METTL15: variants seen among roughly 807,000 people sequenced by gnomAD.
METTL15 encodes 12S rRNA N(4)-cytidine methyltransferase METTL15.
In METTL15, 34 loss-of-function variants were observed where a neutral mutation model predicts 38.3. The ratio of observed to expected loss-of-function variants is 0.89; its 90% CI spans 0.68 to 1.18. METTL15 has a LOEUF of 1.18. METTL15 is among the 50% of genes most tolerant of loss of function. The pLI, the probability that METTL15 is intolerant of heterozygous loss-of-function variation, is 0.00. For missense variants in METTL15, 438 were observed against 498.4 expected (o/e 0.88, Z 1.15); for synonymous variants, 162 against 170.9 (o/e 0.95, Z 0.41).
intron 4 of METTL15, among the ~76,000 whole-genome samples, chr11:28,223,895 C>G (rs545977741): frequency 1.3e-5 from 2 of 152,014 alleles, no homozygotes; most frequent in South Asian, 4.1e-4. Flanking sequence ...TATTGGAAGA[C>G]AATTTTAAAA....
At chr11:28,511,021 C>G (rs536459225) in intron 6 of METTL15, among the ~76,000 whole-genome samples, 1 of 152,218 alleles carries the variant, frequency 6.6e-6, no homozygotes, top group South Asian at 2.1e-4. Flanking sequence ...TCGTAGACTT[C>G]TTAAGATTTT....
chr11:28,214,501 A>G (rs1011845909), intron 4 of METTL15, among the ~76,000 whole-genome samples: 1 of 152,206 alleles, frequency 6.6e-6, no homozygotes, highest in Admixed American at 6.5e-5. Flanking sequence ...TGAAGATGAG[A>G]TGTTCCGTGT....
chr11:28,201,899 A>G (rs757014033), intron 3 of METTL15, among the ~76,000 whole-genome samples: 4 of 152,152 alleles, frequency 2.6e-5, no homozygotes, highest in Non-Finnish European at 4.4e-5. Context: ...ACAATTTCAC[A>G]TATTCTGTAT....
chr11:28,287,223 T>G (rs1326589509), intron 4 of METTL15: 1 of 214,052 alleles, frequency 4.7e-6, no homozygotes, highest in African/African-American at 2.4e-5. Flanking sequence ...TTTGTAAATT[T>G]GTATTACATC....
intron 4 of METTL15, among the ~76,000 whole-genome samples, chr11:28,359,303 T>C (rs538632790): frequency 1.9e-4 from 29 of 152,370 alleles, no homozygotes; most frequent in African/African-American, 7.0e-4. Flanking sequence ...ATGATGTGTA[T>C]GTACCATGTT....
At chr11:28,199,205 T>G (rs1485438426) in intron 3 of METTL15, among the ~76,000 whole-genome samples, 1 of 152,142 alleles carries the variant, frequency 6.6e-6, no homozygotes, top group Non-Finnish European at 1.5e-5. Context: ...AATCAATGTT[T>G]TTGATTAGGA....
rs1849828658 is a variant in METTL15, at chr11:28,331,964, TATTA to T, written c.*1127_*1130del. 1 of 152,196 alleles carries T rather than the reference TATTA, an allele frequency of 6.6e-6. No individual in the cohort carries two copies. The highest frequency in any genetic ancestry group is 1.5e-5 in the Non-Finnish European group (1 of 68,012). 9.4% of individuals were successfully genotyped at this position (152,196 alleles called of 1,614,324 possible). The stretch of plus-strand genomic sequence containing the variant: ...GTTATCCTTGAAATCATATTTATAC[TATTA>T]ATTTGCTCAGTGCACTTTTTTCAAA... On this transcript the variant is annotated 3_prime_UTR_variant, in exon 7 of 7. Transcript: ENST00000407364.
intron 6 of METTL15, among the ~76,000 whole-genome samples, chr11:28,308,333 A>C (rs1857150451): frequency 6.6e-6 from 1 of 152,136 alleles, no homozygotes; most frequent in South Asian, 2.1e-4. Context: ...ATTTCTAGCC[A>C]TACTTTTTTC....
At chr11:28,236,134 GC>G in intron 4 of METTL15, among the ~76,000 whole-genome samples, 1 of 152,228 alleles carries the variant, frequency 6.6e-6, no homozygotes, top group East Asian at 1.9e-4. Flanking sequence ...TATTGAACCA[GC>G]CTTGCATCCC....
At chr11:28,477,285 T>C (rs1162413719) in intron 6 of METTL15, among the ~76,000 whole-genome samples, 1 of 152,184 alleles carries the variant, frequency 6.6e-6, no homozygotes, top group East Asian at 1.9e-4. Context: ...CATGCAATTC[T>C]CCTGCCTCAG....
intron 3 of METTL15, among the ~76,000 whole-genome samples, chr11:28,339,533 C>CAAA (rs147944774): frequency 2.5e-5 from 3 of 118,004 alleles, no homozygotes; most frequent in Non-Finnish European, 3.6e-5. Context: ...AAAGAGAATG[C>CAAA]AAAAAAAAAA....
intron 6 of METTL15, chr11:28,477,483 G>A (rs578050859): frequency 6.6e-6 from 1 of 152,206 alleles, no homozygotes; most frequent in South Asian, 2.1e-4. Flanking sequence ...TGAATATCTG[G>A]CAAAGTATTT....
chr11:28,122,156 G>A, intron 3 of METTL15: 1 of 1,240,064 alleles, frequency 8.1e-7, no homozygotes, highest in Non-Finnish European at 1.0e-6. Context: ...TTGGTGTGAG[G>A]AGTGTGGGAA....
intron 6 of METTL15, among the ~76,000 whole-genome samples, chr11:28,488,117 T>G (rs1338071218): frequency 2.0e-5 from 3 of 152,148 alleles, no homozygotes; most frequent in Admixed American, 6.6e-5. Context: ...GCAATGAAAA[T>G]ATGCTTATTT....
At chr11:28,330,160 C>G (rs970453071) in intron 6 of METTL15, among the ~76,000 whole-genome samples, 10 of 152,176 alleles carry the variant, frequency 6.6e-5, no homozygotes, top group South Asian at 2.1e-4. Flanking sequence ...TTTCTGTGCT[C>G]CTTGTTAAAC....
chr11:28,140,410 C>T (rs1442844307), intron 3 of METTL15, among the ~76,000 whole-genome samples: 2 of 152,154 alleles, frequency 1.3e-5, no homozygotes, highest in African/African-American at 2.4e-5. Flanking sequence ...ATCCTGTCCT[C>T]TGTAGCTGTG....
At chr11:28,410,224 C>T (rs558998546) in intron 5 of METTL15, among the ~76,000 whole-genome samples, 1 of 152,056 alleles carries the variant, frequency 6.6e-6, no homozygotes, top group Non-Finnish European at 1.5e-5. Flanking sequence ...TAAATTCTTT[C>T]AAAAAATAGA....
chr11:28,336,202 T>G (rs1479975168), downstream of METTL15, among the ~76,000 whole-genome samples: 1 of 152,122 alleles, frequency 6.6e-6, no homozygotes, highest in Non-Finnish European at 1.5e-5. Flanking sequence ...CTTGACAGGG[T>G]ATATAAAATA....
rs539522796 is a variant in METTL15 at position 28,128,936 on chromosome 11, C to G, written c.270+15332C>G. ...TAAATTAGCCTTTGATGGTTTTCCT[C>G]TTTGTTAGGTTAATTTATTCTAATG... is the stretch of plus-strand genomic sequence containing the variant. On this transcript the variant is annotated intron_variant, in intron 3 of 6. Transcript: ENST00000407364. 2.0e-3 allele frequency among the ~76,000 whole-genome samples: 300 copies of G among 152,230 alleles called. 1 individual carries two copies. The highest frequency in any genetic ancestry group is 6.0e-3 in the African/African-American group (248 of 41,564).
Sources: gnomAD v4.1 joint callset for allele counts (sites outside exome capture counted in the v4.1 genomes callset) on GRCh38, gnomAD v4.1.1 for gene constraint, MANE v1.5 for transcripts, NCBI Gene and HGNC (gene_info 2026-07-23, HGNC 2026-07-21) for gene names.